ADAMTS6: variants seen among roughly 807,000 people sequenced by gnomAD.
ADAMTS6 encodes ADAM metallopeptidase with thrombospondin type 1 motif 6.
In ADAMTS6, 23 loss-of-function variants were observed where a neutral mutation model predicts 144.3. That is an observed-to-expected ratio of 0.16 (90% confidence interval 0.11 to 0.23). The LOEUF (loss-of-function observed/expected upper bound fraction) is 0.23, where lower values mean the gene tolerates loss of function less well. Ranked by LOEUF, ADAMTS6 falls within the 10% of genes least tolerant of loss-of-function variation. ADAMTS6 has a pLI of 1.00. For synonymous variants in ADAMTS6, 444 were observed against 457.5 expected, an observed-to-expected ratio of 0.97 and a Z score of 0.38; for missense variants, 999 against 1,379.6, an observed-to-expected ratio of 0.72 and a Z score of 4.37.
intron 7 of ADAMTS6, among the ~76,000 whole-genome samples, chr5:65,445,085 T>A (rs1758165245): frequency 6.6e-6 from 1 of 152,210 alleles, no homozygotes; most frequent in African/African-American, 2.4e-5. Context: ...TTTAGTACAA[T>A]ACATCCTTCT....
At chr5:65,384,931 G>A (rs537309751) in intron 7 of ADAMTS6, among the ~76,000 whole-genome samples, 3 of 152,306 alleles carry the variant, frequency 2.0e-5, no homozygotes, top group South Asian at 2.1e-4. Flanking sequence ...CAGATGTGGT[G>A]TCTGATAAGG....
chr5:65,344,709 C>T (rs76293569), intron 7 of ADAMTS6, among the ~76,000 whole-genome samples: 2,148 of 151,858 alleles, frequency 0.014, 34 homozygotes, highest in East Asian at 0.083. Flanking sequence ...CATGATCTGA[C>T]TCCTATCCAA....
At chr5:65,453,077 T>G (rs1299680397) in intron 4 of ADAMTS6, among the ~76,000 whole-genome samples, 159 bp from the exon 5 acceptor site, 1 of 143,420 alleles carries the variant, frequency 7.0e-6, no homozygotes, top group Admixed American at 7.0e-5. Context: ...AGTCTGTAAA[T>G]TTTTGAAAAT....
At chr5:65,364,207 T>C (rs1162433397) in intron 7 of ADAMTS6, among the ~76,000 whole-genome samples, 1 of 152,126 alleles carries the variant, frequency 6.6e-6, no homozygotes, top group Non-Finnish European at 1.5e-5. Flanking sequence ...GATTGAAAGG[T>C]TTTTGGCTAA....
intron 1 of ADAMTS6, among the ~76,000 whole-genome samples, chr5:65,475,756 C>G (rs1183352132): frequency 6.6e-6 from 1 of 152,072 alleles, no homozygotes; most frequent in Non-Finnish European, 1.5e-5. Context: ...GTAATAATAG[C>G]AATAGCAAAT....
intron 24 of ADAMTS6, among the ~76,000 whole-genome samples, chr5:65,166,906 A>G (rs1344486394): frequency 1.4e-5 from 2 of 140,344 alleles, no homozygotes; most frequent in Non-Finnish European, 3.1e-5. Flanking sequence ...AATTTATAGC[A>G]CTAAATGCGC....
At chr5:65,404,654 T>C (rs527863090) in intron 7 of ADAMTS6, among the ~76,000 whole-genome samples, 25 of 152,362 alleles carry the variant, frequency 1.6e-4, no homozygotes, top group Non-Finnish European at 2.6e-4. Context: ...CCTTTGGGTA[T>C]ATACCCAGTA....
intron 22 of ADAMTS6, among the ~76,000 whole-genome samples, chr5:65,181,386 T>C (rs748811903): frequency 6.6e-6 from 1 of 152,226 alleles, no homozygotes; most frequent in Non-Finnish European, 1.5e-5. Context: ...TAAGAGGATT[T>C]CTGCCACTCT....
At chr5:65,178,173 T>C (rs1439432646) in intron 22 of ADAMTS6, among the ~76,000 whole-genome samples, 1 of 152,186 alleles carries the variant, frequency 6.6e-6, no homozygotes, top group Non-Finnish European at 1.5e-5. Flanking sequence ...CTCTGCTGAA[T>C]AACTGGAGTG....
chr5:65,399,005 C>A (rs181672300), intron 7 of ADAMTS6, among the ~76,000 whole-genome samples: 1 of 152,086 alleles, frequency 6.6e-6, no homozygotes, highest in Non-Finnish European at 1.5e-5. Flanking sequence ...TGCCTGTAAT[C>A]CCAGCACTTG....
chr5:65,421,321 A>G (rs1194762797), intron 7 of ADAMTS6, among the ~76,000 whole-genome samples: 1 of 152,176 alleles, frequency 6.6e-6, no homozygotes, highest in Non-Finnish European at 1.5e-5. Context: ...TCCTTCATTT[A>G]TGAAACTTAG....
rs1159359216 is a variant in ADAMTS6, at chr5:65,224,933, G to A, written c.2182C>T (p.Pro728Ser). Residue 728 changes from proline (P) to serine (S), a missense_variant, in exon 17 of 25, where the codon CCC (proline) becomes TCC (serine). Around this residue, in one of 3 missense-constraint regions of ADAMTS6, gnomAD observed 619 missense variants for 837.0 expected, o/e 0.74. Coordinates refer to ENST00000381055, the MANE Select transcript of ADAMTS6 (RefSeq NM_197941.4). Reference protein sequence around the residue: ...AIEGFFNDSLPRGGYMEVVQI... With the variant: ...AIEGFFNDSLSRGGYMEVVQI... Reference sequence around the variant, plus strand: ...CTCTCTACATACTCACCTCCCCTGGGCAGTGAATCATTGAAGAACCCTTCA... The same window carrying A: ...CTCTCTACATACTCACCTCCCCTGGACAGTGAATCATTGAAGAACCCTTCA... The A allele has an allele frequency of 4.3e-6, 7 of 1,613,358 alleles. No individual in the cohort carries two copies. The highest frequency in any genetic ancestry group is 1.6e-4 in the Middle Eastern group (1 of 6,078).
chr5:65,453,929 T>C (rs1377606138), intron 4 of ADAMTS6, among the ~76,000 whole-genome samples: 1 of 152,216 alleles, frequency 6.6e-6, no homozygotes, highest in Admixed American at 6.5e-5. Flanking sequence ...GGTTTGAATA[T>C]CTCCTCCAAA....
At chr5:65,434,673 T>C (rs763370552) in intron 7 of ADAMTS6, among the ~76,000 whole-genome samples, 9 of 152,132 alleles carry the variant, frequency 5.9e-5, no homozygotes, top group Admixed American at 1.3e-4. Flanking sequence ...TAAAATAACA[T>C]CAACTTGGGT....
In ADAMTS6 at chr5:65,305,945, C is replaced by T. The variant is rs1030793465; in HGVS notation, c.1224-5814G>A. ...TGTTCTTTTACTCAGGCCATTTGTC[C>T]GGGTAATTTTCAGAGATGAGGTAAC... On this transcript the variant is annotated intron_variant, in intron 9 of 24. Transcript: ENST00000381055. Among the ~76,000 whole-genome samples, 4 of 152,252 alleles carry T rather than the reference C, an allele frequency of 2.6e-5. No individual in the cohort carries two copies. In the East Asian group the frequency reaches 5.8e-4, roughly 22 times the overall value.
chr5:65,193,875 C>T (rs112984298), intron 21 of ADAMTS6, among the ~76,000 whole-genome samples: 5,582 of 152,144 alleles, frequency 0.037, 353 homozygotes, highest in African/African-American at 0.13. Context: ...ATCTACTAAA[C>T]GTTGTCAAAG....
Position 65,181,124 on chromosome 5 carries a change from TACTA to T in ADAMTS6, c.2910+6888_2910+6891del, listed in dbSNP as rs540827878. 1.3e-3 allele frequency among the ~76,000 whole-genome samples: 204 copies of T among 152,362 alleles called. 1 individual carries two copies. Among genetic ancestry groups the T allele is most frequent in the African/African-American group, 4.7e-3 (194 of 41,596 alleles). On this transcript the variant is annotated intron_variant, in intron 22 of 24. Coordinates refer to ENST00000381055, the MANE Select transcript of ADAMTS6 (RefSeq NM_197941.4). ...GTGGAGCCATTCTAATACTAATTCT[TACTA>T]AGTGTTTTCTGGATGTCAGGCACTG... is the stretch of plus-strand genomic sequence containing the variant.
At chr5:65,281,556 A>C (rs548347967) in intron 11 of ADAMTS6, among the ~76,000 whole-genome samples, 138 of 152,138 alleles carry the variant, frequency 9.1e-4, no homozygotes, top group Non-Finnish European at 1.8e-3. Flanking sequence ...CATATTTCAC[A>C]AAAGTGTTTC....
chr5:65,467,676 T>G (rs1279139665), intron 3 of ADAMTS6, among the ~76,000 whole-genome samples: 1 of 152,178 alleles, frequency 6.6e-6, no homozygotes, highest in East Asian at 1.9e-4. Flanking sequence ...CACATTCAGC[T>G]AAATTATTAA....
Sources: gnomAD v4.1 joint callset for allele counts (sites outside exome capture counted in the v4.1 genomes callset) on GRCh38, gnomAD v4.1.1 for gene constraint, gnomAD v4.1.1 regional missense constraint, MANE v1.5 for transcripts, NCBI Gene and HGNC (gene_info 2026-07-23, HGNC 2026-07-21) for gene names.